PTAR1: variants seen among roughly 807,000 people sequenced by gnomAD.
PTAR1 encodes protein prenyltransferase alpha subunit repeat-containing protein 1.
A neutral mutation model predicts 45.5 loss-of-function variants in PTAR1; 17 were observed. The ratio of observed to expected loss-of-function variants is 0.37; its 90% CI spans 0.26 to 0.56. PTAR1 has a LOEUF of 0.56. PTAR1 is among the 20% of genes least tolerant of loss of function. The pLI is 0.77. For synonymous variants in PTAR1, 169 were observed against 171.3 expected, an observed-to-expected ratio of 0.99 and a Z score of 0.11; for missense variants, 391 against 476.3, an observed-to-expected ratio of 0.82 and a Z score of 1.67.
At chr9:69,733,839 T>C (rs1210431111) in intron 4 of PTAR1, among the ~76,000 whole-genome samples, 2 of 152,186 alleles carry the variant, frequency 1.3e-5, no homozygotes, top group African/African-American at 4.8e-5. Context: ...TTATTGAGTA[T>C]TTAATATGTG....
At chr9:69,755,209 A>G (rs1281539944) in intron 1 of PTAR1, among the ~76,000 whole-genome samples, 1 of 152,214 alleles carries the variant, frequency 6.6e-6, no homozygotes, top group Non-Finnish European at 1.5e-5. Context: ...TCAAGTTCTA[A>G]TGGTGCTCAC....
chr9:69,750,451 C>T (rs1392348982), intron 2 of PTAR1, among the ~76,000 whole-genome samples: 1 of 151,946 alleles, frequency 6.6e-6, no homozygotes, highest in African/African-American at 2.4e-5. Context: ...GGACTAGAGT[C>T]TTCTTCAGTG....
At chr9:69,737,794 A>C (rs181898144) in intron 3 of PTAR1, among the ~76,000 whole-genome samples, 1 of 152,330 alleles carries the variant, frequency 6.6e-6, no homozygotes, top group East Asian at 1.9e-4. Context: ...GAGCCATATG[A>C]AATTGCTGAT....
chr9:69,724,991 A>C (rs943853709), intron 5 of PTAR1, among the ~76,000 whole-genome samples: 1 of 152,200 alleles, frequency 6.6e-6, no homozygotes, highest in African/African-American at 2.4e-5. Flanking sequence ...TGAGAAATGG[A>C]AAACAGTATC....
At chr9:69,724,460 A>G (rs928349971) in intron 5 of PTAR1, among the ~76,000 whole-genome samples, 1 of 152,242 alleles carries the variant, frequency 6.6e-6, no homozygotes, top group African/African-American at 2.4e-5. Context: ...ACGTTCCGTC[A>G]GAGGATTTTC....
intron 1 of PTAR1, among the ~76,000 whole-genome samples, chr9:69,758,939 TGAG>T (rs1826939398): frequency 6.6e-6 from 1 of 152,128 alleles, no homozygotes; most frequent in Admixed American, 6.5e-5. Flanking sequence ...TTCTTTTCTT[TGAG>T]GAGGAAGAGG....
chr9:69,724,350 G>A (rs556454692), intron 5 of PTAR1, among the ~76,000 whole-genome samples: 1 of 152,140 alleles, frequency 6.6e-6, no homozygotes, highest in Admixed American at 6.5e-5. Flanking sequence ...CAAATGAAAT[G>A]ATTTTTTAAA....
In PTAR1 at chr9:69,712,393, C is replaced by G. The variant is rs1422807377; in HGVS notation, c.*5949G>C. 1 of 152,122 alleles carries G rather than the reference C, an allele frequency of 6.6e-6. No homozygotes were observed. Among genetic ancestry groups the G allele is most frequent in the Non-Finnish European group, 1.5e-5 (1 of 67,998 alleles). 9.4% of individuals were successfully genotyped at this position (152,122 alleles called of 1,614,324 possible). A position where few individuals can be genotyped will look rare whatever the true frequency, so the allele number is the denominator to read the frequency against. ...AAGAAAACTGCTTTAAGTAGGAGCA[C>G]TTTTAGCATACACAAAAATAAAAAT... is the stretch of plus-strand genomic sequence containing the variant. On this transcript the variant is annotated 3_prime_UTR_variant, in exon 8 of 8. Coordinates refer to ENST00000340434, the MANE Select transcript of PTAR1 (RefSeq NM_001099666.2).
chr9:69,717,972 A>G lies in PTAR1; in HGVS notation c.*370T>C, dbSNP rs537997825. The G allele has an allele frequency of 5.5e-5, 9 of 163,102 alleles. No homozygotes were observed. In the South Asian group the frequency reaches 1.7e-3, roughly 31 times the overall value. The allele number at this position is 163,102 out of a possible 1,614,324, so 10.1% of individuals were successfully genotyped here. A position where few individuals can be genotyped will look rare whatever the true frequency, so the allele number is the denominator to read the frequency against. On this transcript the variant is annotated 3_prime_UTR_variant, in exon 8 of 8. Transcript: ENST00000340434. ...CAGGCAATCCTCCTGCCTAGGCCTT[A>G]AATTTTTAATTTTTAAAAGAATTTG...
chr9:69,748,023 G>A (rs77183126), intron 2 of PTAR1, among the ~76,000 whole-genome samples: 210 of 152,248 alleles, frequency 1.4e-3, no homozygotes, highest in African/African-American at 4.8e-3. Context: ...CTGTTCAAGC[G>A]TGTCTGAAAT....
At chr9:69,738,866 G>C (rs957981119) in intron 3 of PTAR1, among the ~76,000 whole-genome samples, 1 of 147,720 alleles carries the variant, frequency 6.8e-6, no homozygotes. Context: ...GGAGTGCAGT[G>C]GCACGCTCTT....
chr9:69,738,809 A>ATTTTT (rs34148439), intron 3 of PTAR1, among the ~76,000 whole-genome samples: 1 of 137,062 alleles, frequency 7.3e-6, no homozygotes, highest in Non-Finnish European at 1.6e-5. Flanking sequence ...TAACACCTCA[A>ATTTTT]TTTTTTTTTT....
chr9:69,749,314 G>A (rs1040612658), intron 2 of PTAR1, among the ~76,000 whole-genome samples: 2 of 152,066 alleles, frequency 1.3e-5, no homozygotes, highest in African/African-American at 4.8e-5. Context: ...GTTATACATT[G>A]GTTCGATTAT....
rs1824609807 is a variant in PTAR1, at chr9:69,713,644, A to G, written c.*4698T>C. On this transcript the variant is annotated 3_prime_UTR_variant, in exon 8 of 8. Coordinates refer to ENST00000340434, the MANE Select transcript of PTAR1 (RefSeq NM_001099666.2). Reference sequence around the variant, plus strand: ...GTAAGGCAAAGGATTCATTTAGGACAACGTTCTGGCCTTTATTTTAGGGCA... The same window carrying G: ...GTAAGGCAAAGGATTCATTTAGGACGACGTTCTGGCCTTTATTTTAGGGCA... The G allele has an allele frequency of 6.6e-6, 1 of 152,140 alleles. No homozygotes were observed. The highest frequency in any genetic ancestry group is 2.1e-4 in the South Asian group (1 of 4,832). The allele number at this position is 152,140 out of a possible 1,614,324, so 9.4% of individuals were successfully genotyped here.
intron 3 of PTAR1, among the ~76,000 whole-genome samples, chr9:69,739,574 A>T (rs1456675293): frequency 6.6e-6 from 1 of 152,196 alleles, no homozygotes; most frequent in Non-Finnish European, 1.5e-5. Context: ...ATTCTTTAGC[A>T]GTTTGAAAAA....
At chr9:69,726,509 C>G (rs1035355138) in intron 5 of PTAR1, among the ~76,000 whole-genome samples, 1 of 151,814 alleles carries the variant, frequency 6.6e-6, no homozygotes, top group Non-Finnish European at 1.5e-5. Context: ...CTTGCTGGAA[C>G]AAAGAAAAAA....
At chr9:69,729,554 T>C (rs763063421) in intron 5 of PTAR1, among the ~76,000 whole-genome samples, 1 of 152,228 alleles carries the variant, frequency 6.6e-6, no homozygotes, top group Non-Finnish European at 1.5e-5. Context: ...CCAGTGTTTA[T>C]TGAGCACTTA....
At chr9:69,743,958 C>T (rs1826155936) in intron 2 of PTAR1, among the ~76,000 whole-genome samples, 1 of 152,102 alleles carries the variant, frequency 6.6e-6, no homozygotes, top group African/African-American at 2.4e-5. Context: ...ACATGGAAGA[C>T]TGTAAATAAA....
chr9:69,744,246 T>C (rs1826170734), intron 2 of PTAR1, among the ~76,000 whole-genome samples: 1 of 152,080 alleles, frequency 6.6e-6, no homozygotes, highest in African/African-American at 2.4e-5. Flanking sequence ...CCGCCTACCT[T>C]CTTTTCTCGG....
Sources: gnomAD v4.1 joint callset for allele counts (sites outside exome capture counted in the v4.1 genomes callset) on GRCh38, gnomAD v4.1.1 for gene constraint, MANE v1.5 for transcripts, NCBI Gene and HGNC (gene_info 2026-07-23, HGNC 2026-07-21) for gene names.